CAMTA1: variants seen among roughly 807,000 people sequenced by gnomAD.
The protein encoded by CAMTA1 is calmodulin-binding transcription activator 1.
In CAMTA1, 27 loss-of-function variants were observed where a neutral mutation model predicts 170.9. The ratio of observed to expected loss-of-function variants is 0.16; its 90% CI spans 0.12 to 0.22. The LOEUF is 0.22. CAMTA1 is among the 10% of genes least tolerant of loss of function. CAMTA1 has a pLI of 1.00. For synonymous variants in CAMTA1, 833 were observed against 891.5 expected, an observed-to-expected ratio of 0.93 and a Z score of 1.17; for missense variants, 1,619 against 2,217.2, an observed-to-expected ratio of 0.73 and a Z score of 5.42.
Position 7,732,419 on chromosome 1 carries a change from A to C in CAMTA1, c.2915-29A>C. On this transcript the variant is annotated intron_variant, in intron 11 of 22. Transcript: ENST00000303635. The surrounding 1 kb of genome is among the most constrained non-coding windows in gnomAD (Gnocchi z 4.1). Reference sequence around the variant, plus strand: ...TTGACTGCTTTTCTTCCAGAACACAACCTCACTCTTCCTCCTGCTCTGCCC... The same window carrying C: ...TTGACTGCTTTTCTTCCAGAACACACCCTCACTCTTCCTCCTGCTCTGCCC... 3.1e-6 allele frequency: 5 copies of C among 1,602,968 alleles called. No homozygotes were observed. The highest frequency in any genetic ancestry group is 4.3e-6 in the Non-Finnish European group (5 of 1,170,414).
chr1:7,537,260 G>A (rs2150082616), intron 6 of CAMTA1, among the ~76,000 whole-genome samples: 1 of 152,326 alleles, frequency 6.6e-6, no homozygotes, highest in Non-Finnish European at 1.5e-5. Flanking sequence ...CACCTTTCCT[G>A]TGATCCTTTG....
chr1:6,827,497 T>C (rs1197112156), intron 3 of CAMTA1, among the ~76,000 whole-genome samples: 6 of 149,952 alleles, frequency 4.0e-5, no homozygotes, highest in Non-Finnish European at 8.8e-5. Flanking sequence ...TACGAATTGT[T>C]AATTCTGCAG....
chr1:7,164,962 G>A (rs970063476), intron 4 of CAMTA1, among the ~76,000 whole-genome samples: 7 of 152,124 alleles, frequency 4.6e-5, no homozygotes, highest in African/African-American at 9.7e-5. Flanking sequence ...TGTCCCTTTC[G>A]GAATTGTCAC....
chr1:7,296,485 G>A (rs1321812279), intron 5 of CAMTA1, among the ~76,000 whole-genome samples: 3 of 152,200 alleles, frequency 2.0e-5, no homozygotes, highest in Admixed American at 2.0e-4. Flanking sequence ...ATGGGAAGAA[G>A]TGGGTTGACT....
intron 3 of CAMTA1, among the ~76,000 whole-genome samples, chr1:6,867,009 C>G (rs893295888): frequency 6.6e-6 from 1 of 152,216 alleles, no homozygotes; most frequent in Non-Finnish European, 1.5e-5. Context: ...GCCTAAAGCA[C>G]GCGGAGAGGG....
rs567904573 is a variant in CAMTA1 at position 7,535,123 on chromosome 1, C to T, written c.510+67222C>T. On this transcript the variant is annotated intron_variant, in intron 6 of 22. Coordinates refer to ENST00000303635, the MANE Select transcript of CAMTA1 (RefSeq NM_015215.4). The stretch of plus-strand genomic sequence containing the variant: ...CGTTGAGGCAGCAAGGCCGGCAGGT[C>T]CATGCCAGGGGTGAGAGCTGAGTCC... 3.4e-3 allele frequency among the ~76,000 whole-genome samples: 517 copies of T among 152,196 alleles called. 2 individuals are homozygous for T. Among genetic ancestry groups the T allele is most frequent in the Non-Finnish European group, 6.0e-3 (405 of 68,004 alleles).
intron 4 of CAMTA1, among the ~76,000 whole-genome samples, chr1:7,147,306 C>G (rs897231058): frequency 2.0e-5 from 3 of 149,358 alleles, no homozygotes; most frequent in Non-Finnish European, 4.4e-5. Flanking sequence ...CACCTATAGT[C>G]CCAGCTACTT....
chr1:7,638,645 G>GAA (rs371977192), intron 6 of CAMTA1, among the ~76,000 whole-genome samples: 1 of 147,114 alleles, frequency 6.8e-6, no homozygotes, highest in Admixed American at 6.8e-5. Flanking sequence ...CTGTCTAAAG[G>GAA]AAAAAAAAAA....
intron 3 of CAMTA1, among the ~76,000 whole-genome samples, chr1:6,984,800 C>A (rs1464069504): frequency 1.3e-5 from 2 of 152,198 alleles, no homozygotes; most frequent in Non-Finnish European, 2.9e-5. Context: ...CTGCCAGACA[C>A]CGAGTTCAGA....
intron 3 of CAMTA1, among the ~76,000 whole-genome samples, chr1:6,938,371 G>A (rs1334147814): frequency 6.6e-6 from 1 of 152,136 alleles, no homozygotes; most frequent in Non-Finnish European, 1.5e-5. Flanking sequence ...TGGAGGAGGC[G>A]CTGCAGAGAG....
At chr1:7,594,907 G>GGCAGT (rs2095387613) in intron 6 of CAMTA1, among the ~76,000 whole-genome samples, 1 of 152,218 alleles carries the variant, frequency 6.6e-6, no homozygotes, top group South Asian at 2.1e-4. Context: ...AGATCCAGCA[G>GGCAGT]GCAGTGAGCA....
chr1:6,802,030 T>G (rs1643906229), intron 1 of CAMTA1, among the ~76,000 whole-genome samples: 2 of 152,194 alleles, frequency 1.3e-5, no homozygotes, highest in Admixed American at 6.5e-5. Context: ...ATTAGAGCAC[T>G]TTTGATTGCA....
chr1:7,293,252 C>T lies in CAMTA1; in HGVS notation c.438+43626C>T, dbSNP rs960002768. 2.6e-5 allele frequency among the ~76,000 whole-genome samples: 4 copies of T among 152,242 alleles called. No homozygotes were observed. The highest frequency in any genetic ancestry group is 3.4e-3 in the Middle Eastern group (1 of 294). Reference sequence around the variant, plus strand: ...AGACCTTGTCTGGGTGATGAGAGACCGCCACTCGTCTCCAGGAGCTCCCGC... The same window carrying T: ...AGACCTTGTCTGGGTGATGAGAGACTGCCACTCGTCTCCAGGAGCTCCCGC... On this transcript the variant is annotated intron_variant, in intron 5 of 22. Coordinates refer to ENST00000303635, the MANE Select transcript of CAMTA1 (RefSeq NM_015215.4). The surrounding 1 kb of genome is among the most constrained non-coding windows in gnomAD (Gnocchi z 4.1).
intron 6 of CAMTA1, among the ~76,000 whole-genome samples, chr1:7,569,847 G>C (rs1464460174): frequency 6.6e-6 from 1 of 152,032 alleles, no homozygotes; most frequent in Admixed American, 6.6e-5. Context: ...GTACCACCCA[G>C]GTGCAGACAG....
chr1:7,278,095 T>A (rs771412152), intron 5 of CAMTA1, among the ~76,000 whole-genome samples: 1 of 152,238 alleles, frequency 6.6e-6, no homozygotes, highest in Non-Finnish European at 1.5e-5. Flanking sequence ...AGTGCTGGGT[T>A]AAACGATATA....
rs1327380472 is a variant in CAMTA1, at chr1:7,463,177, G to A, written c.439-4653G>A. Reference sequence around the variant, plus strand: ...GACCTTCAGGCCCCATCTGCTCCCCGGGGCTCCATGCCCTAAGCATGCTCT... The same window carrying A: ...GACCTTCAGGCCCCATCTGCTCCCCAGGGCTCCATGCCCTAAGCATGCTCT... On this transcript the variant is annotated intron_variant, in intron 5 of 22. Transcript: ENST00000303635. This position sits in a 1 kb window ranked among gnomAD's most constrained non-coding sequence, Gnocchi z 4.7. 6.6e-6 allele frequency among the ~76,000 whole-genome samples: 1 copy of A among 152,010 alleles called. No homozygotes were observed. The highest frequency in any genetic ancestry group is 6.6e-5 in the Admixed American group (1 of 15,262).
chr1:6,920,999 C>T (rs1391090600), intron 3 of CAMTA1, among the ~76,000 whole-genome samples: 1 of 152,228 alleles, frequency 6.6e-6, no homozygotes, highest in Non-Finnish European at 1.5e-5. Flanking sequence ...TAACATTCGG[C>T]TCCTCGTTAT....
intron 4 of CAMTA1, among the ~76,000 whole-genome samples, chr1:7,175,008 GA>G (rs1248664502): frequency 3.3e-5 from 5 of 152,010 alleles, no homozygotes; most frequent in Admixed American, 1.3e-4. Context: ...TAGAAACATA[GA>G]AAAAAAATGT....
At chr1:7,188,247 G>A (rs1412728982) in intron 4 of CAMTA1, among the ~76,000 whole-genome samples, 3 of 152,174 alleles carry the variant, frequency 2.0e-5, no homozygotes, top group Non-Finnish European at 4.4e-5. Context: ...GGTGGGGACA[G>A]AAAGCCTAAC....
Sources: allele counts gnomAD v4.1 joint callset (sites outside exome capture counted in the v4.1 genomes callset), GRCh38; gene constraint gnomAD v4.1.1; non-coding constraint Gnocchi (gnomAD v3.1); transcripts MANE v1.5; gene names NCBI Gene and HGNC (gene_info 2026-07-23, HGNC 2026-07-21).